The following PCDH15 variants were observed in gnomAD, a reference collection of about 807,000 sequenced individuals.
The protein encoded by PCDH15 is protocadherin related 15.
Under a neutral mutation model 178.5 loss-of-function variants are expected in PCDH15, and 129 were observed. The observed-to-expected ratio is 0.72, with a 90% CI of 0.63 to 0.84. The LOEUF (loss-of-function observed/expected upper bound fraction) is 0.84. PCDH15 is among the 40% of genes least tolerant of loss of function. The pLI is 0.00. For synonymous variants in PCDH15, 800 were observed against 732.0 expected (o/e 1.09, Z -1.50); for missense variants, 2,230 against 2,099.9 (o/e 1.06, Z -1.21).
intron 2 of PCDH15, among the ~76,000 whole-genome samples, chr10:55,514,011 T>C (rs938261616): frequency 1.3e-5 from 2 of 152,070 alleles, no homozygotes; most frequent in African/African-American, 4.8e-5. Context: ...TGGCATCTTT[T>C]TGAGGAGTCT....
upstream of PCDH15, among the ~76,000 whole-genome samples, chr10:54,805,792 T>TA (rs1477907920): frequency 6.6e-6 from 1 of 152,186 alleles, no homozygotes; most frequent in Non-Finnish European, 1.5e-5. Flanking sequence ...ACTAATTTCA[T>TA]AAAATTATAG....
At chr10:54,084,083 CTTTTTT>C (rs34480492) in intron 16 of PCDH15, among the ~76,000 whole-genome samples, 1 of 148,172 alleles carries the variant, frequency 6.7e-6, no homozygotes, top group Admixed American at 6.8e-5. Context: ...TTAATGTGCA[CTTTTTT>C]TTTTTTATTT....
chr10:54,849,909 G>C (rs1953585086), intron 3 of PCDH15, among the ~76,000 whole-genome samples: 1 of 152,008 alleles, frequency 6.6e-6, no homozygotes, highest in Non-Finnish European at 1.5e-5. Context: ...TCATAATTAG[G>C]ATTCTATGAC....
chr10:54,742,725 G>T (rs1944968165), intron 1 of PCDH15, among the ~76,000 whole-genome samples: 1 of 151,984 alleles, frequency 6.6e-6, no homozygotes, highest in Non-Finnish European at 1.5e-5. Context: ...ATTCTAGAAA[G>T]GAGAGACAGT....
chr10:53,962,171 A>C (rs1348491867), intron 21 of PCDH15, among the ~76,000 whole-genome samples: 1 of 152,026 alleles, frequency 6.6e-6, no homozygotes, highest in Non-Finnish European at 1.5e-5. Context: ...ACTTTCCTTT[A>C]ATTATGTGAA....
intron 1 of PCDH15, among the ~76,000 whole-genome samples, chr10:54,727,844 T>C (rs1591315908): frequency 6.6e-6 from 1 of 151,498 alleles, no homozygotes; most frequent in Middle Eastern, 3.4e-3. Context: ...AAGGAATAAA[T>C]AAGTTCCTGG....
intron 2 of PCDH15, among the ~76,000 whole-genome samples, chr10:55,453,142 A>G (rs1839472129): frequency 6.6e-6 from 1 of 152,158 alleles, no homozygotes. Context: ...GCAAGCTGAG[A>G]CATTATTCCC....
At chr10:53,968,260 T>C (rs7899816) in intron 21 of PCDH15, among the ~76,000 whole-genome samples, 107,125 of 151,856 alleles carry the variant, frequency 0.71, 38,169 homozygotes, top group East Asian at 0.87. Context: ...ACTGCTAGCA[T>C]AGCAGTCTGA....
chr10:55,127,714 T>C (rs1406899347), intron 2 of PCDH15, among the ~76,000 whole-genome samples: 5 of 152,162 alleles, frequency 3.3e-5, no homozygotes, highest in South Asian at 2.1e-4. Context: ...TTGTAATCAA[T>C]TGAGAAAATC....
intron 2 of PCDH15, among the ~76,000 whole-genome samples, chr10:55,088,087 T>C (rs746249998): frequency 6.6e-5 from 10 of 152,118 alleles, no homozygotes; most frequent in Non-Finnish European, 1.5e-4. Context: ...TTGTCTGGCT[T>C]TCTTAATTCT....
intron 2 of PCDH15, among the ~76,000 whole-genome samples, chr10:55,075,341 A>G (rs1841858802): frequency 2.0e-5 from 3 of 149,640 alleles, no homozygotes; most frequent in East Asian, 2.0e-4. Context: ...TGTTAGCTCT[A>G]TAACAGATTA....
intron 2 of PCDH15, among the ~76,000 whole-genome samples, chr10:55,415,335 C>G (rs61851118): frequency 0.17 from 25,112 of 151,402 alleles, 2,183 homozygotes; most frequent in Middle Eastern, 0.21. Flanking sequence ...ACTATCAGAG[C>G]ACTGCTAAAA....
chr10:54,204,898 C>T (rs1336432100), intron 10 of PCDH15, among the ~76,000 whole-genome samples: 2 of 152,200 alleles, frequency 1.3e-5, no homozygotes, highest in African/African-American at 4.8e-5. Flanking sequence ...TGCTTCTTAT[C>T]TGCTGCCTTA....
chr10:55,540,952 A>T (rs995945960), intron 2 of PCDH15, among the ~76,000 whole-genome samples: 97 of 152,140 alleles, frequency 6.4e-4, no homozygotes, highest in African/African-American at 2.3e-3. Flanking sequence ...TTGTGACAAC[A>T]TATTGTCTCA....
intron 15 of PCDH15, among the ~76,000 whole-genome samples, chr10:54,099,042 C>G (rs756710998): frequency 6.6e-5 from 10 of 152,086 alleles, no homozygotes; most frequent in Non-Finnish European, 1.5e-4. Context: ...TTCCTCAGAG[C>G]CTACTCACTT....
intron 8 of PCDH15, among the ~76,000 whole-genome samples, chr10:54,291,962 C>T (rs1425135917): frequency 6.6e-6 from 1 of 152,198 alleles, no homozygotes; most frequent in Non-Finnish European, 1.5e-5. Flanking sequence ...TCCTCCCTAA[C>T]TCATTTTACG....
chr10:54,962,221 G>C (rs1162805767), intron 2 of PCDH15, among the ~76,000 whole-genome samples: 1 of 152,182 alleles, frequency 6.6e-6, no homozygotes, highest in South Asian at 2.1e-4. Context: ...GTTTCTGGGA[G>C]CCCAGACCTT....
intron 1 of PCDH15, among the ~76,000 whole-genome samples, chr10:55,311,737 T>C (rs1843591901): frequency 6.6e-6 from 1 of 152,166 alleles, no homozygotes; most frequent in Non-Finnish European, 1.5e-5. Flanking sequence ...GGCTAAAGGA[T>C]GCTGAAGAGC....
chr10:55,542,354 GTATA>G (rs1424588929), intron 2 of PCDH15, among the ~76,000 whole-genome samples: 1 of 150,318 alleles, frequency 6.7e-6, no homozygotes, highest in African/African-American at 2.4e-5. Context: ...ATGTTAGTGT[GTATA>G]TATAAATATA....
Sources: gnomAD v4.1 joint callset for allele counts (sites outside exome capture counted in the v4.1 genomes callset) on GRCh38, gnomAD v4.1.1 for gene constraint, MANE v1.5 for transcripts, NCBI Gene and HGNC (gene_info 2026-07-23, HGNC 2026-07-21) for gene names.